VWA5B1: variants seen among roughly 807,000 people sequenced by gnomAD.
The protein encoded by VWA5B1 is von Willebrand factor A domain containing 5B1.
VWA5B1 carries 115 observed loss-of-function variants against 118.2 expected under a neutral mutation model. That is an observed-to-expected ratio of 0.97 (90% CI 0.84 to 1.14). VWA5B1 has a LOEUF of 1.14. Among genes scored for constraint, VWA5B1 ranks in the 50% most tolerant of loss-of-function variants. The pLI, the probability that VWA5B1 is intolerant of heterozygous loss-of-function variation, is 0.00. For missense variants in VWA5B1, 1,596 were observed against 1,603.8 expected (o/e 1.00, Z 0.08); for synonymous variants, 682 against 658.4 (o/e 1.04, Z -0.55).
At chr1:20,295,330 G>T (rs1390475669) in intron 1 of VWA5B1, among the ~76,000 whole-genome samples, 1 of 152,174 alleles carries the variant, frequency 6.6e-6, no homozygotes, top group Non-Finnish European at 1.5e-5. Context: ...GTGGGGCGGA[G>T]CTGAATTTGA....
At chr1:20,353,438 A>T (rs2090168568) in intron 21 of VWA5B1, among the ~76,000 whole-genome samples, 1 of 152,130 alleles carries the variant, frequency 6.6e-6, no homozygotes, top group African/African-American at 2.4e-5. Flanking sequence ...TCGGAAACTG[A>T]TGGTTACACA....
intron 8 of VWA5B1, among the ~76,000 whole-genome samples, chr1:20,327,414 A>G (rs1287116493): frequency 2.6e-5 from 4 of 152,100 alleles, no homozygotes; most frequent in Admixed American, 2.6e-4. Flanking sequence ...GTTGAGTCTG[A>G]TGCAGAAGGT....
chr1:20,340,044 G>A (rs2089833222), intron 14 of VWA5B1, among the ~76,000 whole-genome samples: 1 of 152,154 alleles, frequency 6.6e-6, no homozygotes, highest in Admixed American at 6.5e-5. Context: ...TATTTGGTGA[G>A]AGCTCTGGAC....
In VWA5B1 at chr1:20,353,873, C is replaced by G. The variant is rs2090179058; in HGVS notation, c.3258C>G (p.Ser1086=). 1 of 1,544,880 alleles carries G rather than the reference C, an allele frequency of 6.5e-7. No homozygotes were observed. Among genetic ancestry groups the G allele is most frequent in the Non-Finnish European group, 8.7e-7 (1 of 1,143,278 alleles). The change falls in exon 22 of 22, where the codon TCC becomes TCG. Residue 1086 remains serine, a synonymous_variant. Coordinates refer to ENST00000289815, the MANE Select transcript of VWA5B1 (RefSeq NM_001039500.3). Reference sequence around the variant, plus strand: ...CCCCCTTCACCTGCCATCGAGTGTCCCTCACCACCCGCCCGTCTGAGTCCA... The same window carrying G: ...CCCCCTTCACCTGCCATCGAGTGTCGCTCACCACCCGCCCGTCTGAGTCCA... ...WTSPFTCHRV[S]LTTRPSESKT... is the part of the protein sequence containing the mutation.
intron 1 of VWA5B1, among the ~76,000 whole-genome samples, chr1:20,308,836 G>A (rs770881797): frequency 6.6e-6 from 1 of 152,154 alleles, no homozygotes; most frequent in Non-Finnish European, 1.5e-5. Context: ...GGGGACCCAG[G>A]GGGAAACAGT....
intron 14 of VWA5B1, 40 bp from the exon 15 acceptor site, chr1:20,342,392 C>G: frequency 6.5e-7 from 1 of 1,542,396 alleles, no homozygotes. Flanking sequence ...TCCTCCTCCT[C>G]GTCCTCCTCC....
Position 20,312,943 on chromosome 1 carries a change from A to T in VWA5B1, c.247A>T (p.Ser83Cys). 1 of 1,551,526 alleles carries T rather than the reference A, an allele frequency of 6.4e-7. No individual in the cohort carries two copies. The highest frequency in any genetic ancestry group is 8.7e-7 in the Non-Finnish European group (1 of 1,146,952). ...GATCAAGGACAAAGCCAAGCTGGAG[A>T]GCGGCCACTTCGATGCCTCCCATGT... Reference protein sequence around the residue: ...VQIKDKAKLESGHFDASHVRS... With the variant: ...VQIKDKAKLECGHFDASHVRS... Residue 83 changes from serine to cysteine, a missense_variant, in exon 3 of 22, where the codon AGC becomes TGC. Ser to Cys is a moderately radical substitution (Grantham distance 112). Coordinates refer to ENST00000289815, the MANE Select transcript of VWA5B1 (RefSeq NM_001039500.3).
Position 20,354,267 on chromosome 1 carries a change from A to G in VWA5B1, c.*4A>G, listed in dbSNP as rs230180. 724,487 of 1,458,132 alleles carry G rather than the reference A, an allele frequency of 0.5. 178,325 individuals are homozygous for G. Among genetic ancestry groups the G allele is most frequent in the East Asian group, 0.94 (38,022 of 40,444 alleles). The allele number at this position is 1,458,132 out of a possible 1,614,324, so 90.3% of individuals were successfully genotyped here. Reference sequence around the variant, plus strand: ...CTATAACCCGAATTATGTGTAGTTGAGTGACGGGGAGGCTGGGTGGAGGGA... The same window carrying G: ...CTATAACCCGAATTATGTGTAGTTGGGTGACGGGGAGGCTGGGTGGAGGGA... On this transcript the variant is annotated 3_prime_UTR_variant, in exon 22 of 22. Transcript: ENST00000289815.
At chr1:20,308,294 C>A (rs1369535994) in intron 1 of VWA5B1, among the ~76,000 whole-genome samples, 1 of 152,168 alleles carries the variant, frequency 6.6e-6, no homozygotes, top group East Asian at 1.9e-4. Context: ...TGTCCCTCAT[C>A]TAAGCCCCGC....
At chr1:20,327,615 T>C (rs768744598) in intron 8 of VWA5B1, among the ~76,000 whole-genome samples, 2 of 151,542 alleles carry the variant, frequency 1.3e-5, no homozygotes, top group African/African-American at 2.4e-5. Flanking sequence ...TCAGACCTGC[T>C]ACATGGATAA....
At position 20,345,613 on chromosome 1, in the gene VWA5B1, G is replaced by A. The variant is rs868341067; in HGVS notation, c.2764+20G>A. On this transcript the variant is annotated intron_variant, in intron 17 of 21. Transcript: ENST00000289815. ...ACTCTGGTAAGGCAGGCGAGCGGCC[G>A]GGGGCACTCCTGGGGGCCAAGCAGC... The A allele has an allele frequency of 1.0e-5, 16 of 1,526,526 alleles. 1 individual carries two copies. Among genetic ancestry groups the A allele is most frequent in the Middle Eastern group, 3.9e-4 (2 of 5,158 alleles). The allele number at this position is 1,526,526 out of a possible 1,614,324, so 94.6% of individuals were successfully genotyped here.
At position 20,343,252 on chromosome 1, in the gene VWA5B1, T is replaced by G; in HGVS notation, c.2485T>G (p.Phe829Val). ...DSQRLQWEVS[F>V]ELGTPGPERG... is the part of the protein sequence containing the mutation. Reference sequence around the variant, plus strand: ...CCAACGCCTGCAGTGGGAGGTGAGCTTCGAGCTGGGGACCCCTGGACCGGA... The same window carrying G: ...CCAACGCCTGCAGTGGGAGGTGAGCGTCGAGCTGGGGACCCCTGGACCGGA... Residue 829 changes from phenylalanine (F) to valine (V), a missense_variant, in exon 16 of 22, where the codon TTC (phenylalanine) becomes GTC (valine). Physicochemically the swap from Phe to Val is conservative, Grantham distance 50. Transcript: ENST00000289815. 1 of 1,548,808 alleles carries G rather than the reference T, an allele frequency of 6.5e-7. No homozygotes were observed. The highest frequency in any genetic ancestry group is 8.7e-7 in the Non-Finnish European group (1 of 1,146,748).
chr1:20,293,486 TG>T (rs2088350537), intron 1 of VWA5B1, among the ~76,000 whole-genome samples: 1 of 152,188 alleles, frequency 6.6e-6, no homozygotes, highest in South Asian at 2.1e-4. Context: ...AATACCTACC[TG>T]GGTTTCTCTC....
chr1:20,299,408 T>C (rs2088465687), intron 1 of VWA5B1, among the ~76,000 whole-genome samples: 1 of 152,204 alleles, frequency 6.6e-6, no homozygotes, highest in African/African-American at 2.4e-5. Flanking sequence ...GTTTTGTTTT[T>C]GTTTTTGTTT....
intron 5 of VWA5B1, 79 bp downstream of exon 5, chr1:20,317,754 G>GCCCCC: frequency 3.3e-5 from 16 of 483,674 alleles, no homozygotes; most frequent in Non-Finnish European, 5.3e-5. Context: ...ACGGGGGTGG[G>GCCCCC]AAGGAAAGCC....
At position 20,330,282 on chromosome 1, in the gene VWA5B1, C is replaced by T. The variant is rs1188020820; in HGVS notation, c.1357C>T (p.His453Tyr). 3.7e-5 allele frequency: 58 copies of T among 1,551,664 alleles called. No individual in the cohort carries two copies. The highest frequency in any genetic ancestry group is 7.3e-5 in the East Asian group (3 of 40,924). ...CAAGTGGGTCATCAGGCAGCCAGTG[C>T]ACCGAGGCCACCCGCGGCTCCTCTT... ...PLKWVIRQPV[H>Y]RGHPRLLFVI... The change falls in exon 10 of 22, where the codon CAC (histidine) becomes TAC (tyrosine). Residue 453 changes from histidine (H) to tyrosine (Y), a missense_variant. Transcript: ENST00000289815.
intron 10 of VWA5B1, 132 bp downstream of exon 10, chr1:20,330,514 A>G: frequency 1.5e-5 from 17 of 1,142,364 alleles, no homozygotes; most frequent in Non-Finnish European, 2.1e-5. Flanking sequence ...CTTTGCTTCC[A>G]AGATAGTGTG....
chr1:20,323,483 T>G lies in VWA5B1; in HGVS notation c.1094T>G (p.Leu365Arg). 1.3e-6 allele frequency: 2 copies of G among 1,530,642 alleles called. No individual in the cohort carries two copies. Among genetic ancestry groups the G allele is most frequent in the African/African-American group, 2.8e-5 (2 of 72,176 alleles). 94.8% of individuals were successfully genotyped at this position (1,530,642 alleles called of 1,614,324 possible). A position where few individuals can be genotyped will look rare whatever the true frequency, so the allele number is the denominator to read the frequency against. ...LRKAHGEFIF[L>R]IDRSSSMSGI... ...AAGGCCCACGGGGAGTTCATCTTCC[T>G]CATTGACAGGAGCAGCAGCATGAGC... is the stretch of plus-strand genomic sequence containing the variant. The change falls in exon 8 of 22, where the codon CTC becomes CGC. Residue 365 changes from leucine (L) to arginine (R), a missense_variant. Leu to Arg is a moderately radical substitution (Grantham distance 102). Coordinates refer to ENST00000289815, the MANE Select transcript of VWA5B1 (RefSeq NM_001039500.3).
chr1:20,356,556 T>A lies in VWA5B1; in HGVS notation c.*2293T>A, dbSNP rs1570252023. Reference sequence around the variant, plus strand: ...ATGGCCAGGGCTTGAGGTGAACCGGTCTCTGCCAGCATAGAACTAGTGCTA... The same window carrying A: ...ATGGCCAGGGCTTGAGGTGAACCGGACTCTGCCAGCATAGAACTAGTGCTA... On this transcript the variant is annotated 3_prime_UTR_variant, in exon 22 of 22. Transcript: ENST00000289815. Among the ~76,000 whole-genome samples the A allele has an allele frequency of 6.6e-6, 1 of 152,102 alleles. No homozygotes were observed. The highest frequency in any genetic ancestry group is 2.4e-5 in the African/African-American group (1 of 41,420).
Sources: gnomAD v4.1 joint callset for allele counts (sites outside exome capture counted in the v4.1 genomes callset) on GRCh38, gnomAD v4.1.1 for gene constraint, MANE v1.5 for transcripts, NCBI Gene and HGNC (gene_info 2026-07-23, HGNC 2026-07-21) for gene names.